CAMSAP2: variants seen among roughly 807,000 people sequenced by gnomAD.
CAMSAP2 encodes calmodulin regulated spectrin associated protein family member 2.
Under a neutral mutation model 146.1 loss-of-function variants are expected in CAMSAP2, and 26 were observed. The observed-to-expected ratio is 0.18, with a 90% CI of 0.13 to 0.25. CAMSAP2 has a LOEUF of 0.25. CAMSAP2 is among the 10% of genes least tolerant of loss of function. CAMSAP2 has a pLI of 1.00. For synonymous variants in CAMSAP2, 499 were observed against 596.6 expected, an observed-to-expected ratio of 0.84 and a Z score of 2.38; for missense variants, 1,381 against 1,759.3, an observed-to-expected ratio of 0.78 and a Z score of 3.85.
At position 200,853,490 on chromosome 1, in the gene CAMSAP2, C is replaced by G. The variant is rs752671404; in HGVS notation, c.3818C>G (p.Pro1273Arg). The change falls in exon 13 of 17, where the codon CCT becomes CGT. Residue 1273 changes from proline (P) to arginine (R), a missense_variant. Pro to Arg is a moderately radical substitution (Grantham distance 103, BLOSUM62 -2). Around this residue, in one of 4 missense-constraint regions of CAMSAP2, gnomAD observed 560 missense variants for 715.9 expected, o/e 0.78. Coordinates refer to ENST00000358823, the MANE Select transcript of CAMSAP2 (RefSeq NM_203459.4). This position sits in a 1 kb window ranked among gnomAD's most constrained non-coding sequence, Gnocchi z 5.1. Reference protein sequence around the residue: ...IESPKTPIKGPPVSSLSLASL... With the variant: ...IESPKTPIKGRPVSSLSLASL... ...TCCCCCAAAACACCAATAAAGGGTCCTCCAGGTAACATAGCTTATTATGAA... is the reference window on the plus strand; with the variant it reads ...TCCCCCAAAACACCAATAAAGGGTCGTCCAGGTAACATAGCTTATTATGAA... 4 of 1,604,988 alleles carry G rather than the reference C, an allele frequency of 2.5e-6. No individual in the cohort carries two copies. Among genetic ancestry groups the G allele is most frequent in the Non-Finnish European group, 3.4e-6 (4 of 1,172,738 alleles).
chr1:200,792,570 G>A (rs998322618), intron 2 of CAMSAP2, among the ~76,000 whole-genome samples: 1 of 152,068 alleles, frequency 6.6e-6, no homozygotes, highest in Non-Finnish European at 1.5e-5. Flanking sequence ...GCTTGAACCC[G>A]GGAGGAGGAG....
chr1:200,759,917 T>C (rs1664755618), intron 1 of CAMSAP2, among the ~76,000 whole-genome samples: 1 of 152,210 alleles, frequency 6.6e-6, no homozygotes, highest in African/African-American at 2.4e-5. Flanking sequence ...TGTAAAACAA[T>C]GAGAAGTATT....
rs1664781592 is a variant in CAMSAP2 at position 200,760,936 on chromosome 1, A to G, written c.237A>G (p.Glu79=). Reference sequence around the variant, plus strand: ...TTGTTAATTTGCTTCTATCGGCTGAACTATACTGTCGTGCTGGGAGTCTCA... The same window carrying G: ...TTGTTAATTTGCTTCTATCGGCTGAGCTATACTGTCGTGCTGGGAGTCTCA... ...PPVVNLLLSA[E]LYCRAGSLIL... is the part of the protein sequence containing the mutation. The change falls in exon 2 of 17, where the codon GAA becomes GAG. Residue 79 remains glutamate, a synonymous_variant. Transcript: ENST00000358823. The G allele has an allele frequency of 6.2e-7, 1 of 1,614,184 alleles. No individual in the cohort carries two copies. Among genetic ancestry groups the G allele is most frequent in the Non-Finnish European group, 8.5e-7 (1 of 1,180,028 alleles).
chr1:200,775,348 T>C (rs1665241640), intron 2 of CAMSAP2, among the ~76,000 whole-genome samples: 1 of 152,198 alleles, frequency 6.6e-6, no homozygotes, highest in Non-Finnish European at 1.5e-5. Flanking sequence ...AAAAAGATTG[T>C]AGCCAAAGCA....
chr1:200,761,842 C>T (rs1055505709), intron 2 of CAMSAP2, among the ~76,000 whole-genome samples: 5 of 152,022 alleles, frequency 3.3e-5, no homozygotes, highest in African/African-American at 1.2e-4. Context: ...TTCTTGTAGA[C>T]AACACACACA....
At chr1:200,771,021 C>T (rs918216751) in intron 2 of CAMSAP2, among the ~76,000 whole-genome samples, 1 of 152,118 alleles carries the variant, frequency 6.6e-6, no homozygotes, top group Non-Finnish European at 1.5e-5. Context: ...ATCCTTTTTC[C>T]TGTCCTTGTG....
intron 4 of CAMSAP2, among the ~76,000 whole-genome samples, chr1:200,828,779 G>C (rs1666968629): frequency 1.3e-5 from 2 of 152,080 alleles, no homozygotes; most frequent in African/African-American, 4.8e-5. Context: ...GTTTAGATCA[G>C]AAGTTCTAAA....
Position 200,739,763 on chromosome 1 carries a change from C to G in CAMSAP2, c.-65C>G. 1.3e-6 allele frequency: 2 copies of G among 1,542,440 alleles called. No individual in the cohort carries two copies. Among genetic ancestry groups the G allele is most frequent in the East Asian group, 2.4e-5 (1 of 42,498 alleles). On this transcript the variant is annotated 5_prime_UTR_variant, in exon 1 of 17. Transcript: ENST00000358823. This position sits in a 1 kb window ranked among gnomAD's most constrained non-coding sequence, Gnocchi z 4.8. ...TTGCTTCTCCCTCCCTCCCGACCCCCGTGGTGGCGAGGCCACGCCATGTGA... is the reference window on the plus strand; with the variant it reads ...TTGCTTCTCCCTCCCTCCCGACCCCGGTGGTGGCGAGGCCACGCCATGTGA...
chr1:200,848,299 T>G lies in CAMSAP2; in HGVS notation c.1530T>G (p.Asn510Lys). 1 of 1,613,452 alleles carries G rather than the reference T, an allele frequency of 6.2e-7. No homozygotes were observed. Among genetic ancestry groups the G allele is most frequent in the South Asian group, 1.1e-5 (1 of 91,002 alleles). Residue 510 changes from asparagine to lysine, a missense_variant, in exon 11 of 17, where the codon AAT becomes AAG. Asn to Lys is a moderately conservative substitution (Grantham distance 94). Around this residue, in one of 4 missense-constraint regions of CAMSAP2, gnomAD observed 447 missense variants for 462.2 expected, o/e 0.97. Coordinates refer to ENST00000358823, the MANE Select transcript of CAMSAP2 (RefSeq NM_203459.4). ...SCVPLNTNEL[N>K]SNENIHYKLP... The stretch of plus-strand genomic sequence containing the variant: ...TGCCCCTTAACACAAATGAACTAAA[T>G]TCTAATGAGAATATTCATTACAAGC...
At chr1:200,809,475 C>T (rs1037528441) in intron 3 of CAMSAP2, among the ~76,000 whole-genome samples, 3 of 152,208 alleles carry the variant, frequency 2.0e-5, no homozygotes, top group Admixed American at 1.3e-4. Flanking sequence ...CAGTGGCTCA[C>T]GCCTGTAATC....
chr1:200,764,107 A>G lies in CAMSAP2; in HGVS notation c.399+3009A>G, dbSNP rs571737810. On this transcript the variant is annotated intron_variant, in intron 2 of 16. Coordinates refer to ENST00000358823, the MANE Select transcript of CAMSAP2 (RefSeq NM_203459.4). ...AAAGAAACTATTTTTTTAAAGAGTAAAGTAAGAGTTAATGTAAATTAACAG... is the reference window on the plus strand; with the variant it reads ...AAAGAAACTATTTTTTTAAAGAGTAGAGTAAGAGTTAATGTAAATTAACAG... Among the ~76,000 whole-genome samples, 68 of 152,312 alleles carry G rather than the reference A, an allele frequency of 4.5e-4. 1 individual carries two copies. The highest frequency in any genetic ancestry group is 2.9e-3 in the South Asian group (14 of 4,816).
intron 3 of CAMSAP2, among the ~76,000 whole-genome samples, chr1:200,812,058 G>C (rs1345122684): frequency 1.3e-5 from 2 of 152,032 alleles, no homozygotes; most frequent in African/African-American, 4.8e-5. Context: ...TCAACCCCTT[G>C]TTTTCTATAC....
chr1:200,748,373 CA>C (rs960854053), intron 1 of CAMSAP2, among the ~76,000 whole-genome samples: 4 of 152,212 alleles, frequency 2.6e-5, no homozygotes, highest in Non-Finnish European at 4.4e-5. Flanking sequence ...GCACTGTTGT[CA>C]CAGAATTCCA....
intron 1 of CAMSAP2, among the ~76,000 whole-genome samples, chr1:200,749,613 A>G (rs962570936): frequency 5.9e-5 from 9 of 152,200 alleles, no homozygotes; most frequent in Non-Finnish European, 1.3e-4. Flanking sequence ...TTTATTTAAC[A>G]TGTTCTATCA....
intron 3 of CAMSAP2, among the ~76,000 whole-genome samples, chr1:200,811,590 C>T (rs1226214954): frequency 6.6e-6 from 1 of 152,170 alleles, no homozygotes; most frequent in Non-Finnish European, 1.5e-5. Flanking sequence ...TGGTTGCTCA[C>T]CAGTACCTCC....
At chr1:200,741,690 C>T (rs956992200) in intron 1 of CAMSAP2, among the ~76,000 whole-genome samples, 1 of 152,156 alleles carries the variant, frequency 6.6e-6, no homozygotes, top group African/African-American at 2.4e-5. Flanking sequence ...GGCCTACTTT[C>T]TGGGTATGTG....
chr1:200,797,880 T>C (rs1465733938), intron 2 of CAMSAP2, among the ~76,000 whole-genome samples: 1 of 149,290 alleles, frequency 6.7e-6, no homozygotes, highest in Non-Finnish European at 1.5e-5. Flanking sequence ...AGTTTCAGCT[T>C]TCTACATATG....
intron 8 of CAMSAP2, among the ~76,000 whole-genome samples, chr1:200,845,923 A>G (rs769152845): frequency 5.9e-5 from 9 of 152,222 alleles, no homozygotes; most frequent in Non-Finnish European, 1.3e-4. Context: ...TCACCCAGGT[A>G]TATGATAGGG....
intron 4 of CAMSAP2, among the ~76,000 whole-genome samples, chr1:200,820,064 T>G (rs868478694): frequency 6.7e-6 from 1 of 148,908 alleles, no homozygotes; most frequent in Non-Finnish European, 1.5e-5. Flanking sequence ...CTCAAAAAAT[T>G]TTTTTTTTTT....
Sources: gnomAD v4.1 joint callset for allele counts (sites outside exome capture counted in the v4.1 genomes callset) on GRCh38, gnomAD v4.1.1 for gene constraint, gnomAD v4.1.1 regional missense constraint, Gnocchi (gnomAD v3.1) non-coding constraint, MANE v1.5 for transcripts, NCBI Gene and HGNC (gene_info 2026-07-23, HGNC 2026-07-21) for gene names.